CPNE4: variants seen among roughly 807,000 people sequenced by gnomAD.
CPNE4 encodes copine-4.
CPNE4 carries 25 observed loss-of-function variants against 67.9 expected under a neutral mutation model. The observed-to-expected ratio is 0.37, with a 90% CI of 0.27 to 0.51. CPNE4 has a LOEUF of 0.51. Ranked by LOEUF, CPNE4 falls within the 20% of genes least tolerant of loss-of-function variation. The pLI, the probability that CPNE4 is intolerant of heterozygous loss-of-function variation, is 0.93. For synonymous variants in CPNE4, 242 were observed against 244.9 expected (o/e 0.99, Z 0.11); for missense variants, 464 against 690.8 (o/e 0.67, Z 3.68).
intron 1 of CPNE4, among the ~76,000 whole-genome samples, chr3:132,016,262 T>C (rs1045095587): frequency 1.3e-5 from 2 of 152,172 alleles, no homozygotes; most frequent in Non-Finnish European, 2.9e-5. Context: ...AGATATCCAT[T>C]GTGTCAGACC....
chr3:131,677,038 ATC>A (rs1360550231), intron 6 of CPNE4, among the ~76,000 whole-genome samples: 4 of 147,008 alleles, frequency 2.7e-5, no homozygotes, highest in African/African-American at 9.9e-5. Flanking sequence ...CCTCTCCGGC[ATC>A]TGTTTTTTTT....
At chr3:131,633,043 C>T (rs2079274324) in intron 7 of CPNE4, among the ~76,000 whole-genome samples, 1 of 152,184 alleles carries the variant, frequency 6.6e-6, no homozygotes, top group Non-Finnish European at 1.5e-5. Flanking sequence ...AAACTTGATC[C>T]ACCTGCAGTC....
chr3:131,957,723 A>G (rs1189989635), intron 1 of CPNE4, among the ~76,000 whole-genome samples: 1 of 152,226 alleles, frequency 6.6e-6, no homozygotes, highest in African/African-American at 2.4e-5. Context: ...AAGGGCAAAG[A>G]TTTGTTGCAC....
intron 2 of CPNE4, among the ~76,000 whole-genome samples, chr3:131,772,535 T>C (rs2083193860): frequency 6.6e-6 from 1 of 152,106 alleles, no homozygotes; most frequent in Non-Finnish European, 1.5e-5. Context: ...AGCTGACTTA[T>C]CAGAGAGCCA....
chr3:131,871,637 C>G (rs1015737007), intron 2 of CPNE4, among the ~76,000 whole-genome samples: 1 of 152,194 alleles, frequency 6.6e-6, no homozygotes, highest in Non-Finnish European at 1.5e-5. Context: ...ACCCTCATTT[C>G]TCTCAACAGT....
chr3:131,997,381 A>G (rs984331405), intron 1 of CPNE4, among the ~76,000 whole-genome samples: 1 of 152,130 alleles, frequency 6.6e-6, no homozygotes, highest in Admixed American at 6.6e-5. Flanking sequence ...AGCAACAAAA[A>G]GGGGACTCCT....
In CPNE4 at chr3:131,891,775, C is replaced by T. The variant is rs117933999; in HGVS notation, c.180+13489G>A. ...AACCTTATTCTTTTTATGGCTGCATCGTATTTCATAGTGTATATGTACCAC... is the reference window on the plus strand; with the variant it reads ...AACCTTATTCTTTTTATGGCTGCATTGTATTTCATAGTGTATATGTACCAC... On this transcript the variant is annotated intron_variant, in intron 2 of 15. Coordinates refer to ENST00000429747, the MANE Select transcript of CPNE4 (RefSeq NM_130808.3). Among the ~76,000 whole-genome samples, 450 of 152,132 alleles carry T rather than the reference C, an allele frequency of 3.0e-3. 12 individuals are homozygous for T. In the East Asian group the frequency reaches 0.041, roughly 14 times the overall value.
rs531793622 is a variant in CPNE4, at chr3:131,552,501, G to A, written c.1117-10C>T. 1.0e-4 allele frequency: 162 copies of A among 1,608,840 alleles called. 2 individuals carry two copies. In the South Asian group the frequency reaches 1.2e-3, roughly 12 times the overall value. On this transcript the variant is annotated splice_polypyrimidine_tract_variant and intron_variant, in intron 12 of 15. Transcript: ENST00000429747. ...CAAAGTCATGAGAGACCTAGACACC[G>A]ATTAAAATTTAAAAAACAGGAAGAA...
intron 2 of CPNE4, among the ~76,000 whole-genome samples, chr3:131,895,196 T>C (rs1024580396): frequency 6.6e-6 from 1 of 152,004 alleles, no homozygotes; most frequent in Non-Finnish European, 1.5e-5. Flanking sequence ...GAACAGTGGA[T>C]ACCAGAGGCT....
chr3:131,910,845 G>A (rs948604988), intron 1 of CPNE4, among the ~76,000 whole-genome samples: 1 of 152,146 alleles, frequency 6.6e-6, no homozygotes, highest in Admixed American at 6.6e-5. Context: ...ACCTCCGTAT[G>A]AATTCCTTTA....
rs578016559 is a variant in CPNE4, at chr3:131,952,195, G to A, written c.-1-46751C>T. On this transcript the variant is annotated intron_variant, in intron 1 of 15. Transcript: ENST00000429747. ...CCGGCCGCCCATCGTCTGAGATGTG[G>A]GGAGCGCCTCTGCCCCGCCGCCCCG... Among the ~76,000 whole-genome samples the A allele has an allele frequency of 2.0e-5, 3 of 149,912 alleles. No homozygotes were observed. The South Asian group carries it at 6.4e-4, about 32-fold the overall frequency.
At chr3:131,691,276 C>G (rs1234469916) in intron 5 of CPNE4, among the ~76,000 whole-genome samples, 1 of 152,140 alleles carries the variant, frequency 6.6e-6, no homozygotes, top group Non-Finnish European at 1.5e-5. Context: ...AAGCAGTATT[C>G]ACAATAGCAA....
At chr3:131,722,416 AG>A (rs1345829392) in intron 3 of CPNE4, among the ~76,000 whole-genome samples, 1 of 151,640 alleles carries the variant, frequency 6.6e-6, no homozygotes, top group African/African-American at 2.4e-5. Context: ...TGATTCAGTC[AG>A]GGAAAGTGGT....
chr3:131,977,124 C>T (rs1490698721), intron 1 of CPNE4, among the ~76,000 whole-genome samples: 1 of 152,072 alleles, frequency 6.6e-6, no homozygotes, highest in Non-Finnish European at 1.5e-5. Context: ...AATAAACCCA[C>T]TTTAAGTAAA....
chr3:131,631,965 G>A (rs1172411978), intron 7 of CPNE4, among the ~76,000 whole-genome samples: 1 of 149,952 alleles, frequency 6.7e-6, no homozygotes, highest in African/African-American at 2.5e-5. Context: ...GCACCCTGTA[G>A]TCCCAGCTTC....
At chr3:131,717,878 C>CTTTCTCTTTCTTTCTTTCT (rs2081749948) in intron 3 of CPNE4, among the ~76,000 whole-genome samples, 1 of 26,138 alleles carries the variant, frequency 3.8e-5, no homozygotes, top group African/African-American at 1.3e-4. Context: ...TCTTTCTTTT[C>CTTTCTCTTTCTTTCTTTCT]TTTCTTTCTT....
chr3:131,555,340 C>A (rs1006599551), intron 12 of CPNE4, among the ~76,000 whole-genome samples, 157 bp downstream of exon 12: 2 of 152,070 alleles, frequency 1.3e-5, no homozygotes, highest in African/African-American at 2.4e-5. Context: ...CGGGCCCTGG[C>A]GAGTTAATCT....
At chr3:131,923,847 C>T (rs1452264589) in intron 1 of CPNE4, among the ~76,000 whole-genome samples, 1 of 151,770 alleles carries the variant, frequency 6.6e-6, no homozygotes, top group African/African-American at 2.4e-5. Flanking sequence ...TAAAATGACT[C>T]CCATACCACC....
chr3:131,875,815 C>A (rs1300506913), intron 2 of CPNE4, among the ~76,000 whole-genome samples: 5 of 140,696 alleles, frequency 3.6e-5, no homozygotes, highest in African/African-American at 1.3e-4. Flanking sequence ...GCACATGTAC[C>A]CTAAAACTTA....
Sources: allele counts gnomAD v4.1 joint callset (sites outside exome capture counted in the v4.1 genomes callset), GRCh38; gene constraint gnomAD v4.1.1; transcripts MANE v1.5; gene names NCBI Gene and HGNC (gene_info 2026-07-23, HGNC 2026-07-21).